Variants in NUDT3 observed in about 807,000 individuals in gnomAD.
NUDT3 encodes diphosphoinositol polyphosphate phosphohydrolase 1.
In NUDT3, 9 loss-of-function variants were observed where a neutral mutation model predicts 23.6. The ratio of observed to expected loss-of-function variants is 0.38; its 90% CI spans 0.23 to 0.66. The LOEUF (loss-of-function observed/expected upper bound fraction) is 0.66, where lower values mean the gene tolerates loss of function less well. Among genes scored for constraint, NUDT3 ranks in the 30% least tolerant of loss-of-function variants. NUDT3 has a pLI of 0.52. For synonymous variants in NUDT3, 86 were observed against 82.6 expected (o/e 1.04, Z -0.22); for missense variants, 172 against 218.5 (o/e 0.79, Z 1.34).
At chr6:34,373,999 T>C (rs927532060) in intron 1 of NUDT3, among the ~76,000 whole-genome samples, 1 of 151,478 alleles carries the variant, frequency 6.6e-6, no homozygotes, top group Non-Finnish European at 1.5e-5. Flanking sequence ...ACTTAAAAAA[T>C]ACAAAAAATT....
chr6:34,300,368 C>T (rs1407034920), intron 2 of NUDT3, among the ~76,000 whole-genome samples: 1 of 152,226 alleles, frequency 6.6e-6, no homozygotes, highest in Non-Finnish European at 1.5e-5. Context: ...TCCCTTGCTG[C>T]TACCAGGGAG....
intron 1 of NUDT3, among the ~76,000 whole-genome samples, chr6:34,374,778 T>C (rs900557338): frequency 6.6e-6 from 1 of 152,192 alleles, no homozygotes; most frequent in Non-Finnish European, 1.5e-5. Flanking sequence ...ACCAACTATG[T>C]TATCTGGGAG....
chr6:34,307,472 A>T (rs1435398889), intron 2 of NUDT3, among the ~76,000 whole-genome samples: 2 of 151,850 alleles, frequency 1.3e-5, no homozygotes, highest in Non-Finnish European at 2.9e-5. Flanking sequence ...GCTACTCAGG[A>T]GGGTGAGATG....
intron 2 of NUDT3, among the ~76,000 whole-genome samples, chr6:34,322,537 CTTA>C (rs1763961192): frequency 6.6e-6 from 1 of 152,080 alleles, no homozygotes; most frequent in South Asian, 2.1e-4. Flanking sequence ...TCACTGGACT[CTTA>C]TAAAACAGTC....
At chr6:34,341,607 T>C (rs1467761537) in intron 2 of NUDT3, among the ~76,000 whole-genome samples, 3 of 152,194 alleles carry the variant, frequency 2.0e-5, no homozygotes, top group African/African-American at 7.2e-5. Context: ...TAACAGGCAG[T>C]GTTGGAAGAA....
chr6:34,347,356 G>A (rs147793375), intron 1 of NUDT3, among the ~76,000 whole-genome samples: 275 of 152,340 alleles, frequency 1.8e-3, no homozygotes, highest in Non-Finnish European at 2.7e-3. Flanking sequence ...GAAACCAGCT[G>A]ACCAGGTATC....
At chr6:34,372,336 T>C (rs1764845177) in intron 1 of NUDT3, among the ~76,000 whole-genome samples, 1 of 152,202 alleles carries the variant, frequency 6.6e-6, no homozygotes, top group African/African-American at 2.4e-5. Flanking sequence ...TCCACAATAG[T>C]TCAACTAGTT....
At chr6:34,390,209 G>A (rs960580151) in intron 1 of NUDT3, among the ~76,000 whole-genome samples, 1 of 150,850 alleles carries the variant, frequency 6.6e-6, no homozygotes, top group African/African-American at 2.4e-5. Context: ...TCCTAGAATC[G>A]CCTGAACCTG....
In NUDT3 at chr6:34,281,606, T is replaced by A. The variant is rs1447186542; in HGVS notation, c.*7147A>T. 3 of 152,278 alleles carry A rather than the reference T, an allele frequency of 2.0e-5. No homozygotes were observed. Among genetic ancestry groups the A allele is most frequent in the African/African-American group, 7.2e-5 (3 of 41,470 alleles). The allele number at this position is 152,278 out of a possible 1,614,324, so 9.4% of individuals were successfully genotyped here. A position where few individuals can be genotyped will look rare whatever the true frequency, so the allele number is the denominator to read the frequency against. ...TTACAAAACTGTACTACATACTTAT[T>A]TCTTTTACAGTAGAGCTGACCAATT... On this transcript the variant is annotated 3_prime_UTR_variant, in exon 5 of 5. Coordinates refer to ENST00000607016, the MANE Select transcript of NUDT3 (RefSeq NM_006703.4).
chr6:34,366,474 AG>A lies in NUDT3; in HGVS notation c.100-24503del, dbSNP rs1764734380. 1.4e-3 allele frequency among the ~76,000 whole-genome samples: 9 copies of A among 6,476 alleles called. 1 individual carries two copies. Among genetic ancestry groups the A allele is most frequent in the Admixed American group, 2.7e-3 (1 of 370 alleles). The allele number at this position is 6,476 out of a possible 152,430, so 4.2% of individuals were successfully genotyped here. ...AGAGAGAGAGAAAGAGAGAGAGGGA[AG>A]GGAGGGAGGGAGGGAGGGAGGGAGG... On this transcript the variant is annotated intron_variant, in intron 1 of 4. Coordinates refer to ENST00000607016, the MANE Select transcript of NUDT3 (RefSeq NM_006703.4).
intron 1 of NUDT3, among the ~76,000 whole-genome samples, chr6:34,368,685 C>G (rs2113757912): frequency 6.6e-6 from 1 of 152,298 alleles, no homozygotes; most frequent in Admixed American, 6.5e-5. Flanking sequence ...GTCGCCCAGG[C>G]TGGAGTGCAG....
chr6:34,351,196 C>A lies in NUDT3; in HGVS notation c.100-9224G>T, dbSNP rs1454911064. Among the ~76,000 whole-genome samples the A allele has an allele frequency of 2.4e-3, 34 of 14,084 alleles. 3 individuals carry two copies. Among genetic ancestry groups the A allele is most frequent in the African/African-American group, 8.3e-3 (32 of 3,860 alleles). 9.2% of individuals were successfully genotyped at this position (14,084 alleles called of 152,430 possible). On this transcript the variant is annotated intron_variant, in intron 1 of 4. Transcript: ENST00000607016. ...GAGACCTCGTCTCTACACTCCCCTG[C>A]CTAAAAAAAAAAAAAAAAAAAAAAA...
intron 2 of NUDT3, among the ~76,000 whole-genome samples, chr6:34,333,086 C>A (rs1319675279): frequency 6.6e-6 from 1 of 152,178 alleles, no homozygotes; most frequent in African/African-American, 2.4e-5. Context: ...GTTACTAAAG[C>A]CCATGGCAGG....
chr6:34,314,873 C>T (rs1003768188), intron 2 of NUDT3, among the ~76,000 whole-genome samples: 6 of 152,012 alleles, frequency 3.9e-5, no homozygotes, highest in Admixed American at 1.3e-4. Context: ...ATCTATGCTC[C>T]GGACAAGAAA....
At chr6:34,315,154 C>A (rs1019276331) in intron 2 of NUDT3, among the ~76,000 whole-genome samples, 44 of 152,212 alleles carry the variant, frequency 2.9e-4, no homozygotes, top group African/African-American at 1.0e-3. Flanking sequence ...ACATTAAGGA[C>A]CAGGTTTAAA....
chr6:34,324,093 G>A (rs1003987344), intron 2 of NUDT3, among the ~76,000 whole-genome samples: 6 of 152,150 alleles, frequency 3.9e-5, no homozygotes, highest in Non-Finnish European at 8.8e-5. Flanking sequence ...GGTGGTTCAT[G>A]CCTGTAATCC....
chr6:34,366,470 GGGAAGGGAGGGAGGGA>G (rs1685015976), intron 1 of NUDT3, among the ~76,000 whole-genome samples: 1 of 107,018 alleles, frequency 9.3e-6, no homozygotes, highest in South Asian at 3.6e-4. Flanking sequence ...AAGAGAGAGA[GGGAAGGGAGGGAGGGA>G]GGGAGGGAGG....
At chr6:34,318,198 G>A (rs1763889739) in intron 2 of NUDT3, among the ~76,000 whole-genome samples, 1 of 152,036 alleles carries the variant, frequency 6.6e-6, no homozygotes, top group Admixed American at 6.6e-5. Flanking sequence ...AGAATTCTTG[G>A]GGGAAAGGAT....
intron 2 of NUDT3, among the ~76,000 whole-genome samples, chr6:34,310,608 C>T (rs1006737331): frequency 2.0e-5 from 3 of 152,176 alleles, no homozygotes; most frequent in African/African-American, 7.2e-5. Flanking sequence ...AGATGGGCCA[C>T]TGGTGAATTC....
Sources: allele counts gnomAD v4.1 joint callset (sites outside exome capture counted in the v4.1 genomes callset), GRCh38; gene constraint gnomAD v4.1.1; transcripts MANE v1.5; gene names NCBI Gene and HGNC (gene_info 2026-07-23, HGNC 2026-07-21).